HIPK2: variants seen among roughly 807,000 people sequenced by gnomAD.
HIPK2 encodes homeodomain-interacting protein kinase 2.
A neutral mutation model predicts 113.7 loss-of-function variants in HIPK2; 27 were observed. The ratio of observed to expected loss-of-function variants is 0.24; its 90% CI spans 0.17 to 0.33. HIPK2 has a LOEUF of 0.33. Among genes scored for constraint, HIPK2 ranks in the 10% least tolerant of loss-of-function variants. HIPK2 has a pLI of 1.00. For synonymous variants in HIPK2, 631 were observed against 642.2 expected (o/e 0.98, Z 0.26); for missense variants, 1,257 against 1,588.0 (o/e 0.79, Z 3.54).
At chr7:139,726,583 T>G (rs1795582966) in intron 1 of HIPK2, among the ~76,000 whole-genome samples, 1 of 152,226 alleles carries the variant, frequency 6.6e-6, no homozygotes, top group Non-Finnish European at 1.5e-5. Context: ...CTATTCATAC[T>G]GAAACTCTGA....
intron 1 of HIPK2, among the ~76,000 whole-genome samples, chr7:139,775,020 C>T (rs1585473453): frequency 1.3e-5 from 2 of 152,222 alleles, no homozygotes; most frequent in East Asian, 1.9e-4. Context: ...GTTCAGAACG[C>T]TCCATTAATG....
In HIPK2 at chr7:139,694,964, A is replaced by C. The variant is rs1794521376; in HGVS notation, c.1103+20968T>G. 1.3e-5 allele frequency among the ~76,000 whole-genome samples: 2 copies of C among 152,352 alleles called. 1 individual carries two copies. The highest frequency in any genetic ancestry group is 4.8e-5 in the African/African-American group (2 of 41,588). The stretch of plus-strand genomic sequence containing the variant: ...ATTTATCTGCCTCAGAAAACTGTTA[A>C]AACACAGAAATCCACAGGCTCGCCC... On this transcript the variant is annotated intron_variant, in intron 2 of 14. Coordinates refer to ENST00000406875, the MANE Select transcript of HIPK2 (RefSeq NM_022740.5).
In HIPK2 at chr7:139,613,823, G is replaced by A. The variant is rs751308657; in HGVS notation, c.1990+463C>T. Among the ~76,000 whole-genome samples the A allele has an allele frequency of 6.6e-6, 1 of 152,138 alleles. No homozygotes were observed. Among genetic ancestry groups the A allele is most frequent in the Non-Finnish European group, 1.5e-5 (1 of 68,028 alleles). ...TACAGGAGAGGAGTGCTGGGGTCAT[G>A]GCCAAAGAATTGTTTTGAGGAGGGG... On this transcript the variant is annotated intron_variant, in intron 8 of 14. Coordinates refer to ENST00000406875, the MANE Select transcript of HIPK2 (RefSeq NM_022740.5). The surrounding 1 kb of genome is among the most constrained non-coding windows in gnomAD (Gnocchi z 4.2).
chr7:139,672,377 T>A (rs1004403836), intron 2 of HIPK2, among the ~76,000 whole-genome samples: 3 of 152,208 alleles, frequency 2.0e-5, no homozygotes, highest in African/African-American at 7.2e-5. Flanking sequence ...TCTAAATATG[T>A]CATACCAAGT....
intron 2 of HIPK2, among the ~76,000 whole-genome samples, chr7:139,636,612 A>G (rs62491685): frequency 1.7e-3 from 266 of 152,230 alleles, no homozygotes; most frequent in Non-Finnish European, 3.2e-3. Flanking sequence ...ATGCTGCCAC[A>G]AGCCAAGGAA....
chr7:139,657,498 G>A (rs189926487), intron 2 of HIPK2, among the ~76,000 whole-genome samples: 1 of 152,296 alleles, frequency 6.6e-6, no homozygotes, highest in Admixed American at 6.5e-5. Flanking sequence ...ACAGAGACAG[G>A]ACTGGCACAT....
At chr7:139,751,590 AGATGGATGGATGGATGGATGGATGGATG>A (rs36202472) in intron 1 of HIPK2, among the ~76,000 whole-genome samples, 2 of 145,986 alleles carry the variant, frequency 1.4e-5, no homozygotes, top group Non-Finnish European at 3.0e-5. Context: ...TTGGATGGAT[AGATGGATGGATGGATGGATGGATGGATG>A]GATGGATGGA....
At chr7:139,674,872 G>T (rs1042526008) in intron 2 of HIPK2, among the ~76,000 whole-genome samples, 2 of 152,192 alleles carry the variant, frequency 1.3e-5, no homozygotes, top group African/African-American at 4.8e-5. Flanking sequence ...CATATGGACT[G>T]GAGGTTCCAT....
intron 1 of HIPK2, among the ~76,000 whole-genome samples, chr7:139,768,168 C>T (rs1287560137): frequency 6.6e-6 from 1 of 152,218 alleles, no homozygotes; most frequent in African/African-American, 2.4e-5. Flanking sequence ...GACTGGGGGC[C>T]TCGCTTCACA....
chr7:139,681,303 G>A (rs1026137919), intron 2 of HIPK2, among the ~76,000 whole-genome samples: 2 of 152,158 alleles, frequency 1.3e-5, no homozygotes, highest in Non-Finnish European at 2.9e-5. Context: ...CCAGGTCAGA[G>A]CTGGTGGCAG....
intron 1 of HIPK2, among the ~76,000 whole-genome samples, chr7:139,747,355 T>C (rs1796206158): frequency 6.6e-6 from 1 of 152,234 alleles, no homozygotes; most frequent in Non-Finnish European, 1.5e-5. Context: ...GGTCTGCATC[T>C]GGACGTTCCC....
At chr7:139,718,901 A>G (rs953567219) in intron 1 of HIPK2, among the ~76,000 whole-genome samples, 1 of 151,926 alleles carries the variant, frequency 6.6e-6, no homozygotes, top group Non-Finnish European at 1.5e-5. Context: ...ATCTTAATCC[A>G]TCTCCCCCAA....
At chr7:139,711,589 T>A (rs1212872417) in intron 2 of HIPK2, among the ~76,000 whole-genome samples, 7 of 152,016 alleles carry the variant, frequency 4.6e-5, no homozygotes, top group Admixed American at 3.9e-4. Flanking sequence ...CCAAAAAAAA[T>A]CTATATATTT....
rs186247547 is a variant in HIPK2 at position 139,587,184 on chromosome 7, T to C, written c.2718-3120A>G. On this transcript the variant is annotated intron_variant, in intron 12 of 14. Coordinates refer to ENST00000406875, the MANE Select transcript of HIPK2 (RefSeq NM_022740.5). ...ACTATACAGTACAGTACATGAATTC[T>C]ATCTCCATCAAAAACAAAGTCCAGG... Among the ~76,000 whole-genome samples, 14 of 152,266 alleles carry C rather than the reference T, an allele frequency of 9.2e-5. No homozygotes were observed. In the East Asian group the frequency reaches 2.7e-3, roughly 29 times the overall value.
rs140695256 is a variant in HIPK2, at chr7:139,640,741, C to T, written c.1104-9016G>A. Among the ~76,000 whole-genome samples, 62 of 152,150 alleles carry T rather than the reference C, an allele frequency of 4.1e-4. No homozygotes were observed. The East Asian group carries it at 9.9e-3, about 24-fold the overall frequency. On this transcript the variant is annotated intron_variant, in intron 2 of 14. Coordinates refer to ENST00000406875, the MANE Select transcript of HIPK2 (RefSeq NM_022740.5). ...CTTGGTTGACCGCACCTTCCACCTC[C>T]TGGGCTCAAGCAACCCTCCCTCCTC...
intron 1 of HIPK2, among the ~76,000 whole-genome samples, chr7:139,749,849 C>A (rs1050435245): frequency 6.6e-6 from 1 of 152,252 alleles, no homozygotes; most frequent in Non-Finnish European, 1.5e-5. Context: ...CTCCCAACAT[C>A]TTCACAAGGA....
Position 139,698,060 on chromosome 7 carries a change from T to G in HIPK2, c.1103+17872A>C, listed in dbSNP as rs1384192572. On this transcript the variant is annotated intron_variant, in intron 2 of 14. Transcript: ENST00000406875. ...TGTATTTTTAAGTAGAGACAAGGTT[T>G]CGTTATGTTGGCCAGGCTGGTCTTG... Among the ~76,000 whole-genome samples the G allele has an allele frequency of 5.3e-5, 8 of 152,170 alleles. No homozygotes were observed. In the East Asian group the frequency reaches 1.4e-3, roughly 26 times the overall value.
Position 139,630,222 on chromosome 7 carries a change from G to A in HIPK2, c.1347+943C>T, listed in dbSNP as rs1297379035. Among the ~76,000 whole-genome samples the A allele has an allele frequency of 1.3e-5, 2 of 152,042 alleles. No homozygotes were observed. Among genetic ancestry groups the A allele is most frequent in the Admixed American group, 6.6e-5 (1 of 15,266 alleles). On this transcript the variant is annotated intron_variant, in intron 4 of 14. Transcript: ENST00000406875. This position sits in a 1 kb window ranked among gnomAD's most constrained non-coding sequence, Gnocchi z 4.0. ...CAAACTATGTTTCTGTTAAAGTGAAGCCCCTGCCCCCGGAGTTTCAGGTTT... is the reference window on the plus strand; with the variant it reads ...CAAACTATGTTTCTGTTAAAGTGAAACCCCTGCCCCCGGAGTTTCAGGTTT...
chr7:139,611,323 A>G (rs1799809828), intron 9 of HIPK2, among the ~76,000 whole-genome samples: 1 of 152,232 alleles, frequency 6.6e-6, no homozygotes, highest in Non-Finnish European at 1.5e-5. Flanking sequence ...TACAAACTGA[A>G]TCCAATATTA....
Sources: allele counts gnomAD v4.1 joint callset (sites outside exome capture counted in the v4.1 genomes callset), GRCh38; gene constraint gnomAD v4.1.1; non-coding constraint Gnocchi (gnomAD v3.1); transcripts MANE v1.5; gene names NCBI Gene and HGNC (gene_info 2026-07-23, HGNC 2026-07-21).